PRLR: variants seen among roughly 807,000 people sequenced by gnomAD.
PRLR encodes prolactin receptor.
In PRLR, 13 loss-of-function variants were observed where a neutral mutation model predicts 40.2. The observed-to-expected ratio is 0.32, with a 90% CI of 0.21 to 0.51. PRLR has a LOEUF of 0.51. PRLR is among the 20% of genes least tolerant of loss of function. The probability of loss-of-function intolerance (pLI) is 0.97; values close to 1 mark genes in which losing one functional copy is unlikely to be tolerated. For synonymous variants in PRLR, 269 were observed against 278.7 expected (o/e 0.97, Z 0.35); for missense variants, 656 against 747.3 (o/e 0.88, Z 1.42).
chr5:35,169,115 G>C (rs1242452950), intron 1 of PRLR, among the ~76,000 whole-genome samples: 1 of 152,110 alleles, frequency 6.6e-6, no homozygotes, highest in Non-Finnish European at 1.5e-5. Flanking sequence ...ATTAATGCTA[G>C]GTTTTGTATA....
At position 35,058,404 on chromosome 5, in the gene PRLR, A is replaced by T. The variant is rs1660752566; in HGVS notation, c.*6685T>A. 1 of 152,226 alleles carries T rather than the reference A, an allele frequency of 6.6e-6. No individual in the cohort carries two copies. The highest frequency in any genetic ancestry group is 6.5e-5 in the Admixed American group (1 of 15,282). The allele number at this position is 152,226 out of a possible 1,614,324, so 9.4% of individuals were successfully genotyped here. A position where few individuals can be genotyped will look rare whatever the true frequency, so the allele number is the denominator to read the frequency against. On this transcript the variant is annotated 3_prime_UTR_variant, in exon 10 of 10. Transcript: ENST00000618457. ...TTTAAAATGAACGATGAAGCACAAA[A>T]TCCAGCCTCATTATGCAAAGAACAC...
chr5:35,193,164 A>G (rs890555503), intron 1 of PRLR, among the ~76,000 whole-genome samples: 5 of 152,078 alleles, frequency 3.3e-5, no homozygotes, highest in African/African-American at 1.2e-4. Context: ...CATCTCTACC[A>G]TCTGTGTCTG....
At chr5:35,221,630 G>T (rs1044851626) in intron 1 of PRLR, among the ~76,000 whole-genome samples, 5 of 152,148 alleles carry the variant, frequency 3.3e-5, no homozygotes, top group Admixed American at 3.3e-4. Flanking sequence ...TTATAAACCT[G>T]GAGAACTGTA....
chr5:35,171,759 G>C (rs992385686), intron 1 of PRLR, among the ~76,000 whole-genome samples: 2 of 152,130 alleles, frequency 1.3e-5, no homozygotes, highest in Non-Finnish European at 2.9e-5. Flanking sequence ...CATGGAAGAC[G>C]TGAGTCTGGG....
intron 1 of PRLR, among the ~76,000 whole-genome samples, chr5:35,131,694 C>T (rs1339089778): frequency 6.6e-6 from 1 of 152,078 alleles, no homozygotes; most frequent in Non-Finnish European, 1.5e-5. Flanking sequence ...GCTTGGAACT[C>T]TGAACATATA....
At chr5:35,161,296 T>C (rs2111906133) in intron 1 of PRLR, among the ~76,000 whole-genome samples, 1 of 152,344 alleles carries the variant, frequency 6.6e-6, no homozygotes, top group Admixed American at 6.5e-5. Context: ...CTGTAGTACC[T>C]TATTTTAGAG....
chr5:35,182,535 T>C (rs1487775287), intron 1 of PRLR, among the ~76,000 whole-genome samples: 1 of 152,214 alleles, frequency 6.6e-6, no homozygotes, highest in East Asian at 1.9e-4. Flanking sequence ...GCTCATTCTG[T>C]CATATGCAGT....
At chr5:35,097,134 T>A (rs530174079) in intron 2 of PRLR, among the ~76,000 whole-genome samples, 1 of 152,300 alleles carries the variant, frequency 6.6e-6, no homozygotes, top group East Asian at 1.9e-4. Context: ...AACAGCTGAC[T>A]CAGCATGCTC....
At chr5:35,227,924 A>C (rs1169383320) in intron 1 of PRLR, among the ~76,000 whole-genome samples, 1 of 152,192 alleles carries the variant, frequency 6.6e-6, no homozygotes, top group East Asian at 1.9e-4. Context: ...TCAAGTATCC[A>C]CGCCGGTCTG....
chr5:35,221,448 C>A (rs1776417567), intron 1 of PRLR, among the ~76,000 whole-genome samples: 1 of 152,116 alleles, frequency 6.6e-6, no homozygotes, highest in Non-Finnish European at 1.5e-5. Flanking sequence ...AAATTATGCT[C>A]AAAATCATGT....
At chr5:35,202,311 T>C (rs1022685399) in intron 1 of PRLR, among the ~76,000 whole-genome samples, 2 of 152,194 alleles carry the variant, frequency 1.3e-5, no homozygotes, top group African/African-American at 2.4e-5. Context: ...TCTACCTGAT[T>C]CACGGATCAA....
At chr5:35,113,483 AT>A (rs755259177) in intron 2 of PRLR, among the ~76,000 whole-genome samples, 13,809 of 144,768 alleles carry the variant, frequency 0.095, 1,589 homozygotes, top group African/African-American at 0.26. Flanking sequence ...CCATCCATCC[AT>A]CCATCCACCC....
intron 2 of PRLR, among the ~76,000 whole-genome samples, chr5:35,096,291 C>A (rs1336696388): frequency 6.6e-6 from 1 of 152,232 alleles, no homozygotes; most frequent in African/African-American, 2.4e-5. Context: ...TCACTCACTA[C>A]AGCTTCCTCA....
intron 1 of PRLR, among the ~76,000 whole-genome samples, chr5:35,203,564 T>C (rs72734576): frequency 0.096 from 14,599 of 152,178 alleles, 915 homozygotes; most frequent in Non-Finnish European, 0.13. Context: ...TCTTCCTATC[T>C]GTGGCCTGAA....
chr5:35,209,385 T>G (rs565310612), intron 1 of PRLR, among the ~76,000 whole-genome samples: 3 of 152,294 alleles, frequency 2.0e-5, no homozygotes, highest in Admixed American at 6.5e-5. Context: ...AGATTTCACT[T>G]ATCAAAGAAA....
In PRLR at chr5:35,129,816, C is replaced by T. The variant is rs1053519077; in HGVS notation, c.-105-11694G>A. On this transcript the variant is annotated intron_variant, in intron 1 of 9. Coordinates refer to ENST00000618457, the MANE Select transcript of PRLR (RefSeq NM_000949.7). Reference sequence around the variant, plus strand: ...CCAAGCAGTAGGGTGGGAGTGGGCACAAGGCATGGATTCTGCAAACATGCT... The same window carrying T: ...CCAAGCAGTAGGGTGGGAGTGGGCATAAGGCATGGATTCTGCAAACATGCT... Among the ~76,000 whole-genome samples the T allele has an allele frequency of 3.9e-5, 6 of 152,090 alleles. No homozygotes were observed. The South Asian group carries it at 1.2e-3, about 32-fold the overall frequency.
At chr5:35,123,173 T>G (rs1260600866) in intron 1 of PRLR, among the ~76,000 whole-genome samples, 1 of 152,158 alleles carries the variant, frequency 6.6e-6, no homozygotes, top group Non-Finnish European at 1.5e-5. Context: ...CAGAATTCCT[T>G]TCGTTAGTGG....
In PRLR at chr5:35,060,823, T is replaced by C. The variant is rs1768993933; in HGVS notation, c.*4266A>G. The C allele has an allele frequency of 6.6e-6, 1 of 152,236 alleles. No homozygotes were observed. The allele number at this position is 152,236 out of a possible 1,614,324, so 9.4% of individuals were successfully genotyped here. The stretch of plus-strand genomic sequence containing the variant: ...TTTCTGTTTGTGTACAAAGTTCCAA[T>C]GTGCATGCATTGTTCTCTTCAGGTT... On this transcript the variant is annotated 3_prime_UTR_variant, in exon 10 of 10. Transcript: ENST00000618457.
At chr5:35,203,900 G>C (rs1292021015) in intron 1 of PRLR, among the ~76,000 whole-genome samples, 1 of 151,956 alleles carries the variant, frequency 6.6e-6, no homozygotes, top group Non-Finnish European at 1.5e-5. Context: ...GGTAACCTTG[G>C]TGTTGCAAAT....
Sources: gnomAD v4.1 joint callset for allele counts (sites outside exome capture counted in the v4.1 genomes callset) on GRCh38, gnomAD v4.1.1 for gene constraint, MANE v1.5 for transcripts, NCBI Gene and HGNC (gene_info 2026-07-23, HGNC 2026-07-21) for gene names.